The following CDS2 variants were observed in gnomAD, a reference collection of about 807,000 sequenced individuals.
The protein encoded by CDS2 is phosphatidate cytidylyltransferase 2.
In CDS2, 47 loss-of-function variants were observed where a neutral mutation model predicts 59.0. The ratio of observed to expected loss-of-function variants is 0.80; its 90% CI spans 0.63 to 1.02. The LOEUF (loss-of-function observed/expected upper bound fraction) is 1.02, where lower values mean the gene tolerates loss of function less well. CDS2 is among the 50% of genes least tolerant of loss of function. CDS2 has a pLI of 0.00. For missense variants in CDS2, 356 were observed against 558.9 expected, an observed-to-expected ratio of 0.64 and a Z score of 3.66; for synonymous variants, 207 against 206.4, an observed-to-expected ratio of 1.00 and a Z score of -0.02.
chr20:5,186,822 C>G lies in CDS2; in HGVS notation c.964C>G (p.Gln322Glu), dbSNP rs1272995217. Residue 322 changes from glutamine to glutamate, a missense_variant, in exon 10 of 13, where the codon CAG becomes GAG. Transcript: ENST00000460006. The stretch of plus-strand genomic sequence containing the variant: ...GGAGTACAACATTCCTGGGGTGATC[C>G]AGTCAGTCATTGGCTGGGTATGTGC... ...LQEYNIPGVI[Q>E]SVIGWKTVRM... 1 of 1,613,974 alleles carries G rather than the reference C, an allele frequency of 6.2e-7. No individual in the cohort carries two copies. The highest frequency in any genetic ancestry group is 8.5e-7 in the Non-Finnish European group (1 of 1,180,012).
intron 1 of CDS2, among the ~76,000 whole-genome samples, chr20:5,169,438 G>A (rs1174128840): frequency 2.0e-5 from 3 of 152,218 alleles, no homozygotes; most frequent in Non-Finnish European, 4.4e-5. Flanking sequence ...ATATCTCAGT[G>A]TAGTCTGGAC....
intron 11 of CDS2, among the ~76,000 whole-genome samples, chr20:5,189,524 C>T (rs1451748514): frequency 6.6e-6 from 1 of 152,176 alleles, no homozygotes; most frequent in Non-Finnish European, 1.5e-5. Flanking sequence ...CATAGCAAGA[C>T]TCCTGTCTTT....
At chr20:5,139,641 G>T (rs1402365069) in intron 1 of CDS2, among the ~76,000 whole-genome samples, 2 of 152,152 alleles carry the variant, frequency 1.3e-5, no homozygotes, top group Non-Finnish European at 2.9e-5. Flanking sequence ...CTAGTGCTTA[G>T]AGGAAGGCTT....
chr20:5,192,150 C>T lies in CDS2; in HGVS notation c.*1916C>T, dbSNP rs1293036084. On this transcript the variant is annotated 3_prime_UTR_variant, in exon 13 of 13. Coordinates refer to ENST00000460006, the MANE Select transcript of CDS2 (RefSeq NM_003818.4). Reference sequence around the variant, plus strand: ...TGAAGAATGAACCTGGATCACCAAACTAGATACCGAAAGGGCTCCTCATTT... The same window carrying T: ...TGAAGAATGAACCTGGATCACCAAATTAGATACCGAAAGGGCTCCTCATTT... 2 of 152,232 alleles carry T rather than the reference C, an allele frequency of 1.3e-5. No homozygotes were observed. Among genetic ancestry groups the T allele is most frequent in the Admixed American group, 6.5e-5 (1 of 15,284 alleles). The allele number at this position is 152,232 out of a possible 1,614,324, so 9.4% of individuals were successfully genotyped here.
intron 1 of CDS2, among the ~76,000 whole-genome samples, chr20:5,172,821 A>G (rs535777460): frequency 6.6e-5 from 10 of 152,344 alleles, no homozygotes; most frequent in East Asian, 1.9e-4. Context: ...CCTAGGATTC[A>G]GAATAGCCTG....
chr20:5,169,937 C>T (rs910282831), intron 1 of CDS2, among the ~76,000 whole-genome samples: 4 of 152,110 alleles, frequency 2.6e-5, no homozygotes, highest in Non-Finnish European at 4.4e-5. Context: ...GGGAAGGGTG[C>T]CCAGCTTGTC....
chr20:5,147,421 A>G (rs1406602220), intron 1 of CDS2, among the ~76,000 whole-genome samples: 2 of 152,160 alleles, frequency 1.3e-5, no homozygotes, highest in Non-Finnish European at 2.9e-5. Flanking sequence ...GTATAGTCAT[A>G]AGCAGCTGCC....
rs536071538 is a variant in CDS2 at position 5,176,656 on chromosome 20, C to T, written c.300C>T (p.Cys100=). The change falls in exon 4 of 13, where the codon TGC becomes TGT. Residue 100 remains cysteine (C), a synonymous_variant. Transcript: ENST00000460006. ...GPMVLMIIVM[C]VQIKCFHEII... is the part of the protein sequence containing the mutation. ...TGTTTTGTGTCCCGCAGGTGATGTG[C>T]GTTCAGATTAAGTGTTTCCATGAGA... 22 of 1,612,788 alleles carry T rather than the reference C, an allele frequency of 1.4e-5. No individual in the cohort carries two copies. The highest frequency in any genetic ancestry group is 1.1e-4 in the East Asian group (5 of 44,860).
chr20:5,157,224 G>A (rs567087423), intron 1 of CDS2, among the ~76,000 whole-genome samples: 11 of 152,270 alleles, frequency 7.2e-5, no homozygotes, highest in African/African-American at 1.9e-4. Context: ...TTCAGGAAAC[G>A]GTTTTCTGAC....
intron 1 of CDS2, among the ~76,000 whole-genome samples, chr20:5,154,814 A>C (rs971361030): frequency 6.6e-6 from 1 of 151,990 alleles, no homozygotes; most frequent in African/African-American, 2.4e-5. Flanking sequence ...CACTCATTTA[A>C]TTTTTGCATT....
chr20:5,129,443 ATTTTT>A (rs928515205), intron 1 of CDS2, among the ~76,000 whole-genome samples: 2 of 122,108 alleles, frequency 1.6e-5, no homozygotes, highest in African/African-American at 6.3e-5. Context: ...CGCTCGGCTA[ATTTTT>A]TTTTTTTTTT....
chr20:5,145,922 C>T (rs2090739775), intron 1 of CDS2, among the ~76,000 whole-genome samples: 1 of 151,042 alleles, frequency 6.6e-6, no homozygotes, highest in Non-Finnish European at 1.5e-5. Flanking sequence ...CTCCCACACT[C>T]AGTCAACCCT....
At position 5,173,603 on chromosome 20, in the gene CDS2, C is replaced by G. The variant is rs1036670299; in HGVS notation, c.138C>G (p.Val46=). ...GGGCAGAATCCGCACCCCTGCCAGT[C>G]TCTGCAGATGATACCCCGGAGGTCC... ...ESRAESAPLP[V]SADDTPEVLN... is the part of the protein sequence containing the mutation. Residue 46 remains valine (V), a synonymous_variant, in exon 2 of 13, where the codon GTC becomes GTG. Coordinates refer to ENST00000460006, the MANE Select transcript of CDS2 (RefSeq NM_003818.4). 1.2e-6 allele frequency: 2 copies of G among 1,614,238 alleles called. No individual in the cohort carries two copies. Among genetic ancestry groups the G allele is most frequent in the East Asian group, 4.5e-5 (2 of 44,892 alleles).
At chr20:5,179,550 A>G (rs2091018533) in intron 5 of CDS2, among the ~76,000 whole-genome samples, 1 of 152,234 alleles carries the variant, frequency 6.6e-6, no homozygotes, top group South Asian at 2.1e-4. Flanking sequence ...CTGTTGGCAA[A>G]GATTCTGCAG....
At chr20:5,171,787 A>G (rs1299832589) in intron 1 of CDS2, among the ~76,000 whole-genome samples, 3 of 152,200 alleles carry the variant, frequency 2.0e-5, no homozygotes, top group Non-Finnish European at 4.4e-5. Context: ...GCCAAAGTAC[A>G]GAGGCACTTG....
At chr20:5,177,899 A>G (rs921335143) in intron 4 of CDS2, among the ~76,000 whole-genome samples, 2 of 152,202 alleles carry the variant, frequency 1.3e-5, no homozygotes, top group South Asian at 2.1e-4. Context: ...TAACATACTC[A>G]GGAGGCCTGA....
intron 1 of CDS2, among the ~76,000 whole-genome samples, chr20:5,143,123 T>C (rs974924195): frequency 4.6e-5 from 7 of 152,118 alleles, no homozygotes; most frequent in African/African-American, 1.7e-4. Context: ...GTATTATTGG[T>C]GTGAGCTACC....
At chr20:5,169,316 T>C (rs2090937731) in intron 1 of CDS2, among the ~76,000 whole-genome samples, 1 of 152,214 alleles carries the variant, frequency 6.6e-6, no homozygotes, top group Admixed American at 6.5e-5. Context: ...CCTGCTGTGC[T>C]GGTCTCAGTA....
chr20:5,189,237 T>G, intron 11 of CDS2, 51 bp downstream of exon 11: 1 of 1,610,804 alleles, frequency 6.2e-7, no homozygotes, highest in Non-Finnish European at 8.5e-7. Flanking sequence ...ACCCATCTTC[T>G]GCCTTTCTCC....
Sources: allele counts gnomAD v4.1 joint callset (sites outside exome capture counted in the v4.1 genomes callset), GRCh38; gene constraint gnomAD v4.1.1; transcripts MANE v1.5; gene names NCBI Gene and HGNC (gene_info 2026-07-23, HGNC 2026-07-21).